The following YEATS2 variants were observed in gnomAD, a reference collection of about 807,000 sequenced individuals.
The protein encoded by YEATS2 is YEATS domain-containing protein 2.
Under a neutral mutation model 163.2 loss-of-function variants are expected in YEATS2, and 77 were observed. The observed-to-expected ratio is 0.47, with a 90% CI of 0.39 to 0.57. The LOEUF (loss-of-function observed/expected upper bound fraction) is 0.57. Among genes scored for constraint, YEATS2 ranks in the 20% least tolerant of loss-of-function variants. The pLI, the probability that YEATS2 is intolerant of heterozygous loss-of-function variation, is 0.00. For missense variants in YEATS2, 1,549 were observed against 1,729.8 expected, an observed-to-expected ratio of 0.90 and a Z score of 1.85; for synonymous variants, 631 against 645.1, an observed-to-expected ratio of 0.98 and a Z score of 0.33.
chr3:183,702,842 A>AAG (rs1553854111), intron 1 of YEATS2, among the ~76,000 whole-genome samples: 1 of 152,012 alleles, frequency 6.6e-6, no homozygotes, highest in East Asian at 1.9e-4. Context: ...TCAAAAAAAA[A>AAG]AAAGGGAATG....
chr3:183,699,679 G>T (rs189109157), intron 1 of YEATS2, among the ~76,000 whole-genome samples: 57 of 152,260 alleles, frequency 3.7e-4, no homozygotes, highest in African/African-American at 1.2e-3. Context: ...TCTAGGTCTG[G>T]TAGAGGAAGA....
Position 183,777,657 on chromosome 3 carries a change from C to T in YEATS2, c.2693C>T (p.Thr898Met), listed in dbSNP as rs999803864. Reference protein sequence around the residue: ...VSTSSAQGQQTLKVISGQKTT... With the variant: ...VSTSSAQGQQMLKVISGQKTT... ...ACATCTTCTGCACAAGGACAACAAA[C>T]GCTAAAAGTCATCTCTGGACAGAAA... The change falls in exon 19 of 31, where the codon ACG (threonine) becomes ATG (methionine). Residue 898 changes from threonine (T) to methionine (M), a missense_variant. By Grantham distance (81) the Thr-to-Met change is moderately conservative (BLOSUM62 -1). Transcript: ENST00000305135. The T allele has an allele frequency of 1.1e-5, 18 of 1,614,032 alleles. No homozygotes were observed. The highest frequency in any genetic ancestry group is 3.3e-5 in the South Asian group (3 of 91,086).
At chr3:183,701,144 C>G (rs1015050569) in intron 1 of YEATS2, among the ~76,000 whole-genome samples, 2 of 150,612 alleles carry the variant, frequency 1.3e-5, no homozygotes, top group Admixed American at 1.3e-4. Flanking sequence ...TGCAGTGGCG[C>G]AATCTCAGCT....
chr3:183,761,446 AC>A, intron 13 of YEATS2, 60 bp from the exon 14 acceptor site: 1 of 1,381,108 alleles, frequency 7.2e-7, no homozygotes, highest in Non-Finnish European at 1.0e-6. Flanking sequence ...AATATAAGTG[AC>A]TAGATATCTG....
At chr3:183,782,577 C>G (rs1723678607) in intron 19 of YEATS2, among the ~76,000 whole-genome samples, 1 of 151,888 alleles carries the variant, frequency 6.6e-6, no homozygotes, top group South Asian at 2.1e-4. Flanking sequence ...GCGCCTGCCA[C>G]CATGCCCAGC....
At chr3:183,725,546 A>G (rs1716998165) in intron 6 of YEATS2, among the ~76,000 whole-genome samples, 1 of 152,242 alleles carries the variant, frequency 6.6e-6, no homozygotes, top group Admixed American at 6.5e-5. Context: ...AAACAAAGCC[A>G]TGTCTTAAGT....
chr3:183,780,465 T>G (rs1390780398), intron 19 of YEATS2, among the ~76,000 whole-genome samples: 3 of 152,250 alleles, frequency 2.0e-5, no homozygotes, highest in Admixed American at 2.0e-4. Context: ...CTGCAGCCTT[T>G]TGTCTGTTTT....
In YEATS2 at chr3:183,724,452, G is replaced by C. The variant is rs1321083636; in HGVS notation, c.571G>C (p.Glu191Gln). 1.2e-6 allele frequency: 2 copies of C among 1,613,672 alleles called. No homozygotes were observed. The highest frequency in any genetic ancestry group is 1.7e-6 in the Non-Finnish European group (2 of 1,179,836). ...TSRITGSHKTEQRNADLTDET... is the reference protein window; with the variant it reads ...TSRITGSHKTQQRNADLTDET... ...TAGAATTACTGGCTCCCATAAAACA[G>C]AACAGCGGAATGCTGATCTCACAGA... is the stretch of plus-strand genomic sequence containing the variant. Residue 191 changes from glutamate to glutamine, a missense_variant, in exon 6 of 31, where the codon GAA becomes CAA. By Grantham distance (29) the Glu-to-Gln change is conservative. Transcript: ENST00000305135.
chr3:183,713,595 G>A (rs1715496155), intron 1 of YEATS2, among the ~76,000 whole-genome samples: 1 of 152,142 alleles, frequency 6.6e-6, no homozygotes, highest in South Asian at 2.1e-4. Flanking sequence ...AAACCTGGCA[G>A]CTAGAAAATT....
intron 10 of YEATS2, 73 bp downstream of exon 10, chr3:183,752,326 A>G: frequency 3.8e-6 from 6 of 1,559,162 alleles, no homozygotes; most frequent in Middle Eastern, 1.8e-4. Flanking sequence ...TCAGAGACCT[A>G]TAGTATATGG....
chr3:183,803,925 T>C, intron 26 of YEATS2, 62 bp from the exon 27 acceptor site: 1 of 1,553,066 alleles, frequency 6.4e-7, no homozygotes, highest in Non-Finnish European at 8.9e-7. Flanking sequence ...GGTTGCATGA[T>C]ACGTAGTTGT....
At chr3:183,698,103 A>T (rs925574990) in intron 1 of YEATS2, 110 bp downstream of exon 1, 1 of 151,858 alleles carries the variant, frequency 6.6e-6, no homozygotes, top group Non-Finnish European at 1.5e-5. Context: ...CCCCATCGGC[A>T]GGCAGCGCGG....
At chr3:183,708,065 T>C (rs1258765412) in intron 1 of YEATS2, among the ~76,000 whole-genome samples, 10 of 151,946 alleles carry the variant, frequency 6.6e-5, no homozygotes, top group African/African-American at 2.4e-4. Context: ...GTGAGGCACA[T>C]AGAATTATTG....
At chr3:183,771,544 T>A (rs13074207) in intron 15 of YEATS2, among the ~76,000 whole-genome samples, 2 of 45,644 alleles carry the variant, frequency 4.4e-5, no homozygotes, top group Admixed American at 2.9e-4. Context: ...TATTCTTGCC[T>A]TTTTTTTTTT....
intron 1 of YEATS2, among the ~76,000 whole-genome samples, chr3:183,705,348 C>G (rs1714512823): frequency 6.6e-6 from 1 of 152,116 alleles, no homozygotes. Flanking sequence ...CCACGCCCGG[C>G]CTATCATCTG....
Position 183,798,963 on chromosome 3 carries a change from G to C in YEATS2, c.3299G>C (p.Ser1100Thr), listed in dbSNP as rs781367730. 1 of 1,614,098 alleles carries C rather than the reference G, an allele frequency of 6.2e-7. No homozygotes were observed. Among genetic ancestry groups the C allele is most frequent in the South Asian group, 1.1e-5 (1 of 91,080 alleles). Residue 1100 changes from serine to threonine, a missense_variant, in exon 23 of 31, where the codon AGC becomes ACC. Coordinates refer to ENST00000305135, the MANE Select transcript of YEATS2 (RefSeq NM_018023.5). ...GCTGCCCCAACTCCAGTTGTCCCCA[G>C]CTCTGCTCCAGCAGCTGTTGCAAAA... The part of the protein sequence containing the change: ...PVAAPTPVVP[S>T]SAPAAVAKVK...
At chr3:183,731,617 A>G (rs1469107727) in intron 7 of YEATS2, among the ~76,000 whole-genome samples, 1 of 152,222 alleles carries the variant, frequency 6.6e-6, no homozygotes, top group Non-Finnish European at 1.5e-5. Flanking sequence ...GAGGTGTGGC[A>G]AGTCACTTAT....
At chr3:183,796,677 C>T (rs1236235040) in intron 21 of YEATS2, among the ~76,000 whole-genome samples, 1 of 151,466 alleles carries the variant, frequency 6.6e-6, no homozygotes, top group Admixed American at 6.6e-5. Flanking sequence ...CAGTCAGGAG[C>T]CAGCATAGGT....
intron 9 of YEATS2, among the ~76,000 whole-genome samples, chr3:183,748,299 G>A (rs1367457131): frequency 1.4e-5 from 2 of 145,766 alleles, no homozygotes; most frequent in African/African-American, 5.1e-5. Context: ...CTGTTGCCCA[G>A]GCTGGAGTGC....
Sources: allele counts gnomAD v4.1 joint callset (sites outside exome capture counted in the v4.1 genomes callset), GRCh38; gene constraint gnomAD v4.1.1; transcripts MANE v1.5; gene names NCBI Gene and HGNC (gene_info 2026-07-23, HGNC 2026-07-21).